PHF12: variants seen among roughly 807,000 people sequenced by gnomAD.
PHF12 encodes PHD factor 1.
Under a neutral mutation model 99.8 loss-of-function variants are expected in PHF12, and 6 were observed. The observed-to-expected ratio is 0.06, with a 90% CI of 0.03 to 0.12. PHF12 has a LOEUF of 0.12. Among genes scored for constraint, PHF12 ranks in the 10% least tolerant of loss-of-function variants. PHF12 has a pLI of 1.00. For missense variants in PHF12, 954 were observed against 1,300.1 expected (o/e 0.73, Z 4.09); for synonymous variants, 480 against 514.9 (o/e 0.93, Z 0.92).
chr17:28,925,990 G>A (rs562536275), intron 3 of PHF12: 1 of 152,368 alleles, frequency 6.6e-6, no homozygotes, highest in East Asian at 1.9e-4. Context: ...CCTAATTAGG[G>A]ATGCACAGGA....
In PHF12 at chr17:28,930,367, C is replaced by T. The variant is rs1442754567; in HGVS notation, c.249-3304G>A. 3.9e-5 allele frequency among the ~76,000 whole-genome samples: 6 copies of T among 152,184 alleles called. No individual in the cohort carries two copies. The East Asian group carries it at 1.2e-3, about 29-fold the overall frequency. Reference sequence around the variant, plus strand: ...CTCCATGCCTCATTTGCCTTTGTACCTCCACACCCTGTACAATGCCTGGCA... The same window carrying T: ...CTCCATGCCTCATTTGCCTTTGTACTTCCACACCCTGTACAATGCCTGGCA... On this transcript the variant is annotated intron_variant, in intron 2 of 14. Transcript: ENST00000332830.
chr17:28,914,787 T>C (rs894669895), intron 7 of PHF12, among the ~76,000 whole-genome samples: 18 of 141,954 alleles, frequency 1.3e-4, no homozygotes, highest in Admixed American at 1.0e-3. Context: ...ATGAAACAAC[T>C]AAAGACGTCT....
chr17:28,912,790 T>C lies in PHF12; in HGVS notation c.1781A>G (p.Gln594Arg). ...PLTPPAAGGL[Q>R]NHTVGIIVKT... ...CACAATGATGCCGACGGTGTGGTTC[T>C]GAAGGCCCCCAGCCGCTGGTGGCGT... Residue 594 changes from glutamine to arginine, a missense_variant, in exon 9 of 15, where the codon CAG becomes CGG. By Grantham distance (43) the Gln-to-Arg change is conservative. Around this residue, in one of 8 missense-constraint regions of PHF12, gnomAD observed 392 missense variants for 423.1 expected, o/e 0.93. Coordinates refer to ENST00000332830, the MANE Select transcript of PHF12 (RefSeq NM_001033561.2). 2 of 1,611,314 alleles carry C rather than the reference T, an allele frequency of 1.2e-6. No individual in the cohort carries two copies. Among genetic ancestry groups the C allele is most frequent in the Non-Finnish European group, 1.7e-6 (2 of 1,178,012 alleles).
chr17:28,923,838 C>G, intron 4 of PHF12, 71 bp downstream of exon 4: 1 of 1,496,790 alleles, frequency 6.7e-7, no homozygotes, highest in Non-Finnish European at 9.0e-7. Context: ...ACTCCACAGG[C>G]AGCACTGCTC....
intron 3 of PHF12, chr17:28,926,514 A>C (rs1048412155): frequency 3.1e-6 from 1 of 318,140 alleles, no homozygotes; most frequent in Non-Finnish European, 6.2e-6. Context: ...GCCAGTACTG[A>C]ATTATCAAAG....
chr17:28,950,315 C>A lies in PHF12; in HGVS notation c.67-69G>T, dbSNP rs1045315017. The A allele has an allele frequency of 6.7e-7, 1 of 1,494,596 alleles. No individual in the cohort carries two copies. Among genetic ancestry groups the A allele is most frequent in the African/African-American group, 1.4e-5 (1 of 71,268 alleles). The allele number at this position is 1,494,596 out of a possible 1,614,324, so 92.6% of individuals were successfully genotyped here. ...CGGGCGGTCCGTCGCCCCCCCGGCG[C>A]GGTTTCTCCGTCACCCACCCCTCTC... is the stretch of plus-strand genomic sequence containing the variant. On this transcript the variant is annotated intron_variant, in intron 1 of 14. Coordinates refer to ENST00000332830, the MANE Select transcript of PHF12 (RefSeq NM_001033561.2). The surrounding 1 kb of genome is among the most constrained non-coding windows in gnomAD (Gnocchi z 5.7).
At chr17:28,918,894 A>T (rs1360717772) in intron 6 of PHF12, among the ~76,000 whole-genome samples, 1 of 152,198 alleles carries the variant, frequency 6.6e-6, no homozygotes, top group Non-Finnish European at 1.5e-5. Flanking sequence ...TTAATTCCCT[A>T]TAAGTCACTT....
chr17:28,907,271 G>GA (rs2039887973), intron 13 of PHF12: 2 of 516,994 alleles, frequency 3.9e-6, no homozygotes, highest in South Asian at 5.2e-5. Context: ...TGATGATAAT[G>GA]AAATTCACAG....
rs796497521 is a variant in PHF12 at position 28,908,347 on chromosome 17, CAG to C, written c.2458+434_2458+435del. ...CTGATTGTCTCTTTTATTTTTGAGA[CAG>C]GGTCTCACTCTGTTGCCTGGGCTGG... On this transcript the variant is annotated intron_variant, in intron 12 of 14. Coordinates refer to ENST00000332830, the MANE Select transcript of PHF12 (RefSeq NM_001033561.2). The C allele has an allele frequency of 4.2e-5, 7 of 167,958 alleles. No individual in the cohort carries two copies. In the South Asian group the frequency reaches 1.0e-3, roughly 24 times the overall value. 10.4% of individuals were successfully genotyped at this position (167,958 alleles called of 1,614,324 possible).
intron 2 of PHF12, among the ~76,000 whole-genome samples, chr17:28,948,697 G>A (rs1326831914): frequency 1.3e-5 from 2 of 152,150 alleles, no homozygotes; most frequent in African/African-American, 4.8e-5. Flanking sequence ...TCCACAAACC[G>A]AGAGATGGAA....
Position 28,924,312 on chromosome 17 carries a change from T to G in PHF12, c.322-10A>C. 6.2e-7 allele frequency: 1 copy of G among 1,614,118 alleles called. No homozygotes were observed. On this transcript the variant is annotated splice_polypyrimidine_tract_variant and intron_variant, in intron 3 of 14. Transcript: ENST00000332830. The stretch of plus-strand genomic sequence containing the variant: ...TTTTCTGCTCTCGTTTCTGTGCAAA[T>G]GAACAGGTGGGCCCATCATGAAAAG...
In PHF12 at chr17:28,914,055, A is replaced by C; in HGVS notation, c.1135-18T>G. The C allele has an allele frequency of 6.3e-7, 1 of 1,583,096 alleles. No individual in the cohort carries two copies. Among genetic ancestry groups the C allele is most frequent in the Non-Finnish European group, 8.7e-7 (1 of 1,155,508 alleles). ...TCAGGAACCTGTTCAGGATAGATAG[A>C]AGGAGGAAGGAGAGGGAGATAGTTC... On this transcript the variant is annotated intron_variant, in intron 7 of 14. Coordinates refer to ENST00000332830, the MANE Select transcript of PHF12 (RefSeq NM_001033561.2).
In PHF12 at chr17:28,921,915, G is replaced by A; in HGVS notation, c.716-107C>T. On this transcript the variant is annotated intron_variant, in intron 4 of 14. Transcript: ENST00000332830. Reference sequence around the variant, plus strand: ...AAAACAGATCTTAAGCATGTGTCATGGCCTAAGCATGAATTGCTCTCTGAG... The same window carrying A: ...AAAACAGATCTTAAGCATGTGTCATAGCCTAAGCATGAATTGCTCTCTGAG... 6 of 1,469,872 alleles carry A rather than the reference G, an allele frequency of 4.1e-6. No individual in the cohort carries two copies. In the South Asian group the frequency reaches 8.0e-5, roughly 20 times the overall value. 91.1% of individuals were successfully genotyped at this position (1,469,872 alleles called of 1,614,324 possible).
intron 2 of PHF12, chr17:28,929,704 C>G (rs938665724): frequency 2.0e-5 from 3 of 152,212 alleles, no homozygotes; most frequent in Non-Finnish European, 4.4e-5. Context: ...TTCCCTTCCT[C>G]CCTGTTTCCT....
intron 2 of PHF12, among the ~76,000 whole-genome samples, chr17:28,934,104 T>C (rs1051688686): frequency 9.2e-5 from 14 of 152,162 alleles, no homozygotes; most frequent in Admixed American, 1.3e-4. Flanking sequence ...TCAAAAATTA[T>C]TGGATGTTTA....
chr17:28,921,689 T>G lies in PHF12; in HGVS notation c.835A>C (p.Arg279=). The G allele has an allele frequency of 1.2e-6, 2 of 1,613,978 alleles. No individual in the cohort carries two copies. Among genetic ancestry groups the G allele is most frequent in the Non-Finnish European group, 1.7e-6 (2 of 1,179,882 alleles). ...GCCCCTTAGTATGAAAGAAAATACCTGTTACACGTGAAGCAGACTTTGACG... is the reference window on the plus strand; with the variant it reads ...GCCCCTTAGTATGAAAGAAAATACCGGTTACACGTGAAGCAGACTTTGACG... ...LPVKVCFTCN[R]SCRVAPLIQC... Residue 279 remains arginine, a splice_region_variant and synonymous_variant, in exon 5 of 15, where the codon AGG becomes CGG. Coordinates refer to ENST00000332830, the MANE Select transcript of PHF12 (RefSeq NM_001033561.2).
intron 10 of PHF12, 198 bp from the exon 11 acceptor site, chr17:28,910,567 A>C: frequency 1.6e-6 from 1 of 644,292 alleles, no homozygotes; most frequent in Non-Finnish European, 2.6e-6. Flanking sequence ...ATGGGCCCCA[A>C]TGCAGCCTGT....
chr17:28,924,274 T>C lies in PHF12; in HGVS notation c.350A>G (p.His117Arg), dbSNP rs1423287208. Residue 117 changes from histidine to arginine, a missense_variant, in exon 4 of 15, where the codon CAT (histidine) becomes CGT (arginine). Coordinates refer to ENST00000332830, the MANE Select transcript of PHF12 (RefSeq NM_001033561.2). ...AGATTTGTCCACCAGTCCATTGACA[T>C]GACCCAGCTCCTTTTTCTGCTCTCG... ...KKREQKKELG[H>R]VNGLVDKSGK... is the part of the protein sequence containing the mutation. The C allele has an allele frequency of 6.2e-7, 1 of 1,614,234 alleles. No individual in the cohort carries two copies. Among genetic ancestry groups the C allele is most frequent in the African/African-American group, 1.3e-5 (1 of 75,054 alleles).
intron 2 of PHF12, among the ~76,000 whole-genome samples, chr17:28,934,343 G>A (rs1052332604): frequency 3.3e-5 from 5 of 152,168 alleles, no homozygotes; most frequent in Non-Finnish European, 1.5e-5. Context: ...GGTGACATGC[G>A]ATTTTTTCCT....
Sources: gnomAD v4.1 joint callset for allele counts (sites outside exome capture counted in the v4.1 genomes callset) on GRCh38, gnomAD v4.1.1 for gene constraint, gnomAD v4.1.1 regional missense constraint, Gnocchi (gnomAD v3.1) non-coding constraint, MANE v1.5 for transcripts, NCBI Gene and HGNC (gene_info 2026-07-23, HGNC 2026-07-21) for gene names.